Variants in ANO1 observed in about 807,000 individuals in gnomAD.
The protein encoded by ANO1 is anoctamin 1, also known as anoctamin-1.
ANO1 carries 59 observed loss-of-function variants against 124.0 expected under a neutral mutation model. That is an observed-to-expected ratio of 0.48 (90% CI 0.39 to 0.59). The LOEUF (loss-of-function observed/expected upper bound fraction) is 0.59. Among genes scored for constraint, ANO1 ranks in the 20% least tolerant of loss-of-function variants. ANO1 has a pLI of 0.00. For missense variants in ANO1, 1,059 were observed against 1,328.0 expected, an observed-to-expected ratio of 0.80 and a Z score of 3.15; for synonymous variants, 529 against 532.0, an observed-to-expected ratio of 0.99 and a Z score of 0.08.
chr11:70,170,855 G>T, intron 21 of ANO1, 32 bp from the exon 22 acceptor site: 1 of 1,606,072 alleles, frequency 6.2e-7, no homozygotes, highest in East Asian at 2.2e-5. Context: ...GTGGCTCACG[G>T]GGTGCTGACT....
intron 1 of ANO1, among the ~76,000 whole-genome samples, chr11:70,057,838 C>T (rs1270299112): frequency 6.6e-6 from 1 of 152,136 alleles, no homozygotes; most frequent in East Asian, 1.9e-4. Flanking sequence ...GATATGATGG[C>T]TTAGCCTGGG....
At chr11:70,050,387 T>G (rs1857334288) in intron 1 of ANO1, among the ~76,000 whole-genome samples, 1 of 152,176 alleles carries the variant, frequency 6.6e-6, no homozygotes, top group Admixed American at 6.5e-5. Flanking sequence ...ACTTACTTAG[T>G]ACCTGGTCAC....
At chr11:70,165,935 G>T (rs1050367010) in intron 20 of ANO1, among the ~76,000 whole-genome samples, 2 of 151,290 alleles carry the variant, frequency 1.3e-5, no homozygotes, top group South Asian at 4.2e-4. Context: ...CGGGAGGATC[G>T]CTGGAGCCCA....
intron 1 of ANO1, among the ~76,000 whole-genome samples, chr11:70,012,544 A>T (rs914281444): frequency 6.6e-6 from 1 of 151,792 alleles, no homozygotes; most frequent in Non-Finnish European, 1.5e-5. Context: ...CCATCTATCT[A>T]TCCATCCATT....
At chr11:70,059,865 A>G (rs782730330) in intron 1 of ANO1, among the ~76,000 whole-genome samples, 2 of 151,254 alleles carry the variant, frequency 1.3e-5, no homozygotes, top group Non-Finnish European at 2.9e-5. Context: ...TCAGAAGAAG[A>G]GTAGGTGGGA....
chr11:70,036,380 A>T (rs1294774241), intron 1 of ANO1, among the ~76,000 whole-genome samples: 1 of 152,042 alleles, frequency 6.6e-6, no homozygotes, highest in Non-Finnish European at 1.5e-5. Context: ...TCATCTTGAA[A>T]TTCCTAATTA....
At chr11:70,080,724 A>T (rs1029600667) in intron 1 of ANO1, among the ~76,000 whole-genome samples, 1 of 152,238 alleles carries the variant, frequency 6.6e-6, no homozygotes, top group Non-Finnish European at 1.5e-5. Context: ...CCTGGGTTCC[A>T]CACAACACTT....
chr11:70,169,906 C>A (rs1049988088), intron 21 of ANO1: 6 of 296,856 alleles, frequency 2.0e-5, no homozygotes, highest in South Asian at 1.8e-4. Context: ...GGACTGGGTC[C>A]TGCTGTGCAG....
At chr11:70,169,972 C>T (rs2048393569) in intron 21 of ANO1, 3 of 342,430 alleles carry the variant, frequency 8.8e-6, no homozygotes, top group Non-Finnish European at 1.7e-5. Context: ...CTGACCTTCT[C>T]CTAGAGCCTA....
intron 1 of ANO1, among the ~76,000 whole-genome samples, chr11:69,987,885 G>A (rs1856078084): frequency 6.6e-6 from 1 of 152,214 alleles, no homozygotes. Context: ...GATCTGAGCT[G>A]TAATCATGGA....
At chr11:70,046,717 G>C (rs1345409121) in intron 1 of ANO1, among the ~76,000 whole-genome samples, 5 of 151,958 alleles carry the variant, frequency 3.3e-5, no homozygotes, top group African/African-American at 1.2e-4. Context: ...GCTCTTCTTG[G>C]CCAAAAATGA....
chr11:69,966,069 A>G, the ANO1 span, among the ~76,000 whole-genome samples: 1 of 152,112 alleles, frequency 6.6e-6, no homozygotes, highest in Non-Finnish European at 1.5e-5. Flanking sequence ...AATATCCAAA[A>G]AAAAAGGAGG....
intron 1 of ANO1, chr11:70,056,227 C>T (rs1420460787): frequency 6.6e-6 from 1 of 151,950 alleles, no homozygotes; most frequent in African/African-American, 2.4e-5. Context: ...CTCTTAGTTT[C>T]TGTTCATCCA....
chr11:70,074,763 A>T (rs1480739916), upstream of ANO1, among the ~76,000 whole-genome samples: 2 of 152,144 alleles, frequency 1.3e-5, no homozygotes, highest in Non-Finnish European at 2.9e-5. Flanking sequence ...CTGGCATCTC[A>T]TGGGTGGGTA....
intron 1 of ANO1, among the ~76,000 whole-genome samples, chr11:70,082,515 G>A (rs1177106029): frequency 1.3e-5 from 2 of 152,178 alleles, no homozygotes; most frequent in Non-Finnish European, 2.9e-5. Flanking sequence ...AGCCAAGATC[G>A]CACCACTGCG....
intron 1 of ANO1, among the ~76,000 whole-genome samples, chr11:70,048,687 C>G (rs1857299099): frequency 1.3e-5 from 2 of 149,882 alleles, no homozygotes; most frequent in East Asian, 4.0e-4. Flanking sequence ...CCCCTCTCCC[C>G]ACTCTTCTCC....
At chr11:70,082,113 G>C (rs1452985396) in intron 1 of ANO1, among the ~76,000 whole-genome samples, 2 of 152,198 alleles carry the variant, frequency 1.3e-5, no homozygotes, top group Admixed American at 6.5e-5. Context: ...TGTTTAAGTT[G>C]CTGGCCTGCC....
intron 24 of ANO1, among the ~76,000 whole-genome samples, chr11:70,185,125 T>C (rs1206364064): frequency 6.6e-6 from 1 of 152,126 alleles, no homozygotes; most frequent in Non-Finnish European, 1.5e-5. Flanking sequence ...CTGTGGAGCA[T>C]GGGCGTTGGG....
At chr11:70,180,206 C>T (rs1303263422) in intron 23 of ANO1, 150 bp downstream of exon 23, 6 of 710,742 alleles carry the variant, frequency 8.4e-6, no homozygotes, top group Non-Finnish European at 1.5e-5. Flanking sequence ...TATAAATGTC[C>T]CTTGACCGCA....
Sources: gnomAD v4.1 joint callset for allele counts (sites outside exome capture counted in the v4.1 genomes callset) on GRCh38, gnomAD v4.1.1 for gene constraint, MANE v1.5 for transcripts, NCBI Gene and HGNC (gene_info 2026-07-23, HGNC 2026-07-21) for gene names.